CTXND2: variants seen among roughly 807,000 people sequenced by gnomAD.
CTXND2 encodes cortexin domain containing 2.
chr1:150,902,094 C>T (rs1036297356), intron 1 of CTXND2, among the ~76,000 whole-genome samples: 3 of 151,794 alleles, frequency 2.0e-5, no homozygotes, highest in African/African-American at 4.8e-5. Flanking sequence ...GGTGAAACTC[C>T]GTCTCTACTA....
At chr1:150,887,446 T>TTTATTA (rs138336125) in intron 1 of CTXND2, 133 bp downstream of exon 1, 35 of 150,608 alleles carry the variant, frequency 2.3e-4, no homozygotes, top group Non-Finnish European at 3.4e-4. Flanking sequence ...AGTAAAGAGC[T>TTTATTA]TTATTATTAT....
intron 1 of CTXND2, among the ~76,000 whole-genome samples, chr1:150,889,148 G>A (rs1024001583): frequency 3.3e-5 from 5 of 151,932 alleles, no homozygotes; most frequent in Non-Finnish European, 7.4e-5. Flanking sequence ...AGTGGCTCAC[G>A]CCTGTAATCC....
chr1:150,908,628 C>T (rs1202659437), intron 1 of CTXND2, among the ~76,000 whole-genome samples: 1 of 151,740 alleles, frequency 6.6e-6, no homozygotes, highest in East Asian at 1.9e-4. Flanking sequence ...TTCATTGTTT[C>T]GTTGTAACTT....
At chr1:150,906,362 G>A (rs921165701) in intron 1 of CTXND2, among the ~76,000 whole-genome samples, 7 of 152,004 alleles carry the variant, frequency 4.6e-5, no homozygotes, top group South Asian at 2.1e-4. Flanking sequence ...TCTCATTATC[G>A]GCATTATGGG....
intron 1 of CTXND2, among the ~76,000 whole-genome samples, chr1:150,901,173 G>A (rs1409101575): frequency 1.3e-5 from 2 of 150,934 alleles, no homozygotes; most frequent in African/African-American, 4.9e-5. Flanking sequence ...GAATAAAATA[G>A]GAATACATTT....
chr1:150,905,603 C>T (rs988814290), intron 1 of CTXND2, among the ~76,000 whole-genome samples: 1 of 149,456 alleles, frequency 6.7e-6, no homozygotes, highest in African/African-American at 2.4e-5. Flanking sequence ...AAAGCTGCAA[C>T]AATTAGAGCC....
In CTXND2 at chr1:150,902,206, C is replaced by T. The variant is rs587611229; in HGVS notation, c.-73-10036C>T. ...CACAAGGTCAGGATATTGAGACCAT[C>T]CTGGATAACACAGTGAAACCCCGTC... is the stretch of plus-strand genomic sequence containing the variant. On this transcript the variant is annotated intron_variant, in intron 1 of 1. Transcript: ENST00000636087. Among the ~76,000 whole-genome samples the T allele has an allele frequency of 1.3e-4, 20 of 152,036 alleles. No individual in the cohort carries two copies. In the South Asian group the frequency reaches 4.2e-3, roughly 32 times the overall value.
At chr1:150,901,662 C>G (rs983280662) in intron 1 of CTXND2, among the ~76,000 whole-genome samples, 4 of 151,932 alleles carry the variant, frequency 2.6e-5, no homozygotes, top group Admixed American at 2.6e-4. Context: ...GCCTGTAATC[C>G]CCAGCACTTT....
At chr1:150,905,571 C>T (rs1216599114) in intron 1 of CTXND2, among the ~76,000 whole-genome samples, 2 of 152,130 alleles carry the variant, frequency 1.3e-5, no homozygotes, top group East Asian at 1.9e-4. Flanking sequence ...ATTGAAGGCA[C>T]AATACTACTT....
chr1:150,903,116 C>G (rs924498515), intron 1 of CTXND2, among the ~76,000 whole-genome samples: 3 of 152,154 alleles, frequency 2.0e-5, no homozygotes, highest in African/African-American at 7.2e-5. Context: ...GTAATTGAAA[C>G]AGAAATAGTC....
chr1:150,894,456 C>G (rs183044307), intron 1 of CTXND2, among the ~76,000 whole-genome samples: 351 of 152,260 alleles, frequency 2.3e-3, no homozygotes, highest in Non-Finnish European at 4.5e-3. Context: ...CCTATTAATA[C>G]TTGAGAAGAA....
chr1:150,903,800 CA>C (rs752462474), intron 1 of CTXND2: 52,311 of 328,362 alleles, frequency 0.16, 972 homozygotes, highest in Admixed American at 0.22. Flanking sequence ...AACTCCGTCT[CA>C]AAAAAAAAAA....
At chr1:150,893,983 T>C (rs200651375) in intron 1 of CTXND2, among the ~76,000 whole-genome samples, 120 of 128,988 alleles carry the variant, frequency 9.3e-4, no homozygotes, top group Non-Finnish European at 1.4e-3. Context: ...ATCTTTTTTT[T>C]CTTTTTTTTT....
intron 1 of CTXND2, among the ~76,000 whole-genome samples, chr1:150,900,677 T>G (rs1350553130): frequency 6.6e-6 from 1 of 150,844 alleles, no homozygotes; most frequent in Admixed American, 6.6e-5. Context: ...CCCTGACGAA[T>G]AGTGAGAAAA....
intron 1 of CTXND2, among the ~76,000 whole-genome samples, chr1:150,908,344 C>T (rs1427556382): frequency 6.6e-6 from 1 of 152,148 alleles, no homozygotes; most frequent in Non-Finnish European, 1.5e-5. Flanking sequence ...AACTTCCAGA[C>T]TGTTTTCCAA....
intron 1 of CTXND2, among the ~76,000 whole-genome samples, chr1:150,898,733 C>A (rs1474907629): frequency 1.4e-5 from 2 of 139,368 alleles, no homozygotes; most frequent in Non-Finnish European, 3.1e-5. Context: ...TTCAGCCTGG[C>A]CACAGAGCAA....
At chr1:150,905,189 GC>G (rs1208677551) in intron 1 of CTXND2, among the ~76,000 whole-genome samples, 1 of 148,528 alleles carries the variant, frequency 6.7e-6, no homozygotes, top group Non-Finnish European at 1.5e-5. Context: ...TGTTACCCAG[GC>G]TGGAGTGCAA....
intron 1 of CTXND2, among the ~76,000 whole-genome samples, chr1:150,894,263 C>T (rs1430612849): frequency 6.6e-6 from 1 of 152,114 alleles, no homozygotes; most frequent in Non-Finnish European, 1.5e-5. Flanking sequence ...TTATTTAAAA[C>T]AGAAGTAGGA....
chr1:150,912,913 T>C (rs888010416), exon 2 of CTXND2: 1 of 152,940 alleles, frequency 6.5e-6, no homozygotes, highest in Admixed American at 6.5e-5. Flanking sequence ...TTTTAGTGTG[T>C]GAAGTTTTAT....
Sources: allele counts gnomAD v4.1 joint callset (sites outside exome capture counted in the v4.1 genomes callset), GRCh38; gene constraint gnomAD v4.1.1; transcripts MANE v1.5; gene names NCBI Gene and HGNC (gene_info 2026-07-23, HGNC 2026-07-21).